The following NTNG2 variants were observed in gnomAD, a reference collection of about 807,000 sequenced individuals.
NTNG2 encodes the protein netrin G2, also known as netrin-G2.
A neutral mutation model predicts 47.6 loss-of-function variants in NTNG2; 15 were observed. The observed-to-expected ratio is 0.32, with a 90% confidence interval of 0.21 to 0.49. NTNG2 has a LOEUF of 0.49. Among genes scored for constraint, NTNG2 ranks in the 20% least tolerant of loss-of-function variants. NTNG2 has a pLI of 0.99. For missense variants in NTNG2, 578 were observed against 764.6 expected, an observed-to-expected ratio of 0.76 and a Z score of 2.88; for synonymous variants, 307 against 324.6, an observed-to-expected ratio of 0.95 and a Z score of 0.58.
rs1174453306 is a variant in NTNG2, at chr9:132,162,567, AGAGTGTGTGT to A, written c.-484+330_-484+339del. Among the ~76,000 whole-genome samples, 22 of 101,774 alleles carry A rather than the reference AGAGTGTGTGT, an allele frequency of 2.2e-4. 1 individual carries two copies. Among genetic ancestry groups the A allele is most frequent in the African/African-American group, 8.0e-4 (22 of 27,506 alleles). The allele number at this position is 101,774 out of a possible 152,430, so 66.8% of individuals were successfully genotyped here. On this transcript the variant is annotated intron_variant, in intron 1 of 7. Coordinates refer to ENST00000393229, the MANE Select transcript of NTNG2 (RefSeq NM_032536.4). This position sits in a 1 kb window ranked among gnomAD's most constrained non-coding sequence, Gnocchi z 4.6. Reference sequence around the variant, plus strand: ...GTGTGTGTGTGTGTGAGAGAGAGACAGAGTGTGTGTGTGTGTGTGTGTGTGTGTGTGTGTG... The same window carrying A: ...GTGTGTGTGTGTGTGAGAGAGAGACAGTGTGTGTGTGTGTGTGTGTGTGTG...
intron 3 of NTNG2, among the ~76,000 whole-genome samples, chr9:132,212,494 G>A (rs999680803): frequency 1.2e-4 from 19 of 152,222 alleles, no homozygotes; most frequent in African/African-American, 4.1e-4. Flanking sequence ...CTCAATTGCC[G>A]GCCTGATTGC....
At position 132,198,024 on chromosome 9, in the gene NTNG2, C is replaced by G; in HGVS notation, c.272C>G (p.Pro91Arg). 1 of 1,613,610 alleles carries G rather than the reference C, an allele frequency of 6.2e-7. No individual in the cohort carries two copies. Among genetic ancestry groups the G allele is most frequent in the South Asian group, 1.1e-5 (1 of 91,064 alleles). Residue 91 changes from proline to arginine, a missense_variant, in exon 3 of 8, where the codon CCG becomes CGG. Coordinates refer to ENST00000393229, the MANE Select transcript of NTNG2 (RefSeq NM_032536.4). ...CDASNPDLAH[P>R]PRLMFDKEEE... is the part of the protein sequence containing the mutation. ...GCCTCCAACCCGGACCTGGCCCACC[C>G]GCCCAGGCTCATGTTCGACAAGGAG...
chr9:132,171,886 C>T (rs563068249), intron 2 of NTNG2, among the ~76,000 whole-genome samples: 28 of 152,358 alleles, frequency 1.8e-4, no homozygotes, highest in South Asian at 6.2e-4. Flanking sequence ...TCCCTCCTCT[C>T]GCCGTCACAA....
chr9:132,168,086 G>C (rs774678499), intron 2 of NTNG2, among the ~76,000 whole-genome samples: 6 of 152,236 alleles, frequency 3.9e-5, no homozygotes, highest in Non-Finnish European at 5.9e-5. Flanking sequence ...TGTCATTCTG[G>C]TCATACAGGT....
chr9:132,226,812 G>T lies in NTNG2; in HGVS notation c.858-37G>T. 2.6e-6 allele frequency: 4 copies of T among 1,528,248 alleles called. No individual in the cohort carries two copies. Among genetic ancestry groups the T allele is most frequent in the Non-Finnish European group, 1.8e-6 (2 of 1,133,906 alleles). 94.7% of individuals were successfully genotyped at this position (1,528,248 alleles called of 1,614,324 possible). On this transcript the variant is annotated intron_variant, in intron 3 of 7. Coordinates refer to ENST00000393229, the MANE Select transcript of NTNG2 (RefSeq NM_032536.4). The surrounding 1 kb of genome is among the most constrained non-coding windows in gnomAD (Gnocchi z 4.8). ...AGAGGCCAGGCCAGGCTGCCCACAA[G>T]CTCTCTGACATCTCTGCCCTCTCGG...
At chr9:132,216,324 A>G (rs927288476) in intron 3 of NTNG2, among the ~76,000 whole-genome samples, 4 of 151,324 alleles carry the variant, frequency 2.6e-5, no homozygotes, top group African/African-American at 9.7e-5. Context: ...TGACTTGCTC[A>G]AGGTCACCTA....
Position 132,174,282 on chromosome 9 carries a change from ACAGG to A in NTNG2, c.213+7244_213+7247del, listed in dbSNP as rs962535668. On this transcript the variant is annotated intron_variant, in intron 2 of 7. Transcript: ENST00000393229. ...GATGGATGGATGGACAGACGGACAG[ACAGG>A]CAGGCCGCACCATGCTGCGGATGAG... is the stretch of plus-strand genomic sequence containing the variant. Among the ~76,000 whole-genome samples the A allele has an allele frequency of 5.2e-5, 7 of 134,744 alleles. No homozygotes were observed. In the South Asian group the frequency reaches 1.1e-3, roughly 20 times the overall value. 88.4% of individuals were successfully genotyped at this position (134,744 alleles called of 152,430 possible). A position where few individuals can be genotyped will look rare whatever the true frequency, so the allele number is the denominator to read the frequency against.
At position 132,242,136 on chromosome 9, in the gene NTNG2, C is replaced by A; in HGVS notation, c.*25C>A. On this transcript the variant is annotated 3_prime_UTR_variant, in exon 8 of 8. Transcript: ENST00000393229. The surrounding 1 kb of genome is among the most constrained non-coding windows in gnomAD (Gnocchi z 5.9). ...AGCCCCGCCCGGAGGACGCTCCCCG[C>A]ACCCGGAGGCCGGGGGTCCCGGGGT... 1 of 1,075,244 alleles carries A rather than the reference C, an allele frequency of 9.3e-7. No individual in the cohort carries two copies. Among genetic ancestry groups the A allele is most frequent in the Non-Finnish European group, 1.1e-6 (1 of 881,338 alleles). The allele number at this position is 1,075,244 out of a possible 1,614,324, so 66.6% of individuals were successfully genotyped here.
intron 2 of NTNG2, among the ~76,000 whole-genome samples, chr9:132,187,123 G>A (rs1246464676): frequency 2.0e-5 from 3 of 152,276 alleles, no homozygotes; most frequent in Admixed American, 1.3e-4. Context: ...TGGGTTCAAG[G>A]TGGACCTGTG....
intron 2 of NTNG2, among the ~76,000 whole-genome samples, chr9:132,171,983 T>C (rs1363600565): frequency 6.6e-6 from 1 of 151,982 alleles, no homozygotes; most frequent in African/African-American, 2.4e-5. Flanking sequence ...ATAAATTAAG[T>C]GAAAAACAAG....
At position 132,215,278 on chromosome 9, in the gene NTNG2, T is replaced by G. The variant is rs1410908035; in HGVS notation, c.858-11571T>G. Among the ~76,000 whole-genome samples the G allele has an allele frequency of 6.6e-6, 1 of 152,154 alleles. No individual in the cohort carries two copies. Among genetic ancestry groups the G allele is most frequent in the Non-Finnish European group, 1.5e-5 (1 of 68,030 alleles). Reference sequence around the variant, plus strand: ...TGTGGCATGGGGCTCTGTGGGGAAATGACTCCAAGAGGCCAGTGGGGGCCA... The same window carrying G: ...TGTGGCATGGGGCTCTGTGGGGAAAGGACTCCAAGAGGCCAGTGGGGGCCA... On this transcript the variant is annotated intron_variant, in intron 3 of 7. Coordinates refer to ENST00000393229, the MANE Select transcript of NTNG2 (RefSeq NM_032536.4). The surrounding 1 kb of genome is among the most constrained non-coding windows in gnomAD (Gnocchi z 4.2).
At chr9:132,164,401 A>C (rs1344866579) in intron 1 of NTNG2, among the ~76,000 whole-genome samples, 7 of 152,148 alleles carry the variant, frequency 4.6e-5, no homozygotes, top group Non-Finnish European at 5.9e-5. Flanking sequence ...CGGGTCCTGC[A>C]GCTGAAGGAA....
At chr9:132,190,225 T>C (rs1359476578) in intron 2 of NTNG2, among the ~76,000 whole-genome samples, 2 of 83,188 alleles carry the variant, frequency 2.4e-5, no homozygotes, top group Non-Finnish European at 4.1e-5. Context: ...AGAGAGAGAC[T>C]CCATCTCAAA....
At chr9:132,241,195 G>A in intron 7 of NTNG2, 151 bp downstream of exon 7, 1 of 1,041,888 alleles carries the variant, frequency 9.6e-7, no homozygotes, top group African/African-American at 1.6e-5. Flanking sequence ...GGGGCCTAGT[G>A]GGACGGGGAA....
intron 5 of NTNG2, among the ~76,000 whole-genome samples, chr9:132,234,173 C>T (rs891509271): frequency 6.6e-6 from 1 of 152,124 alleles, no homozygotes; most frequent in African/African-American, 2.4e-5. Flanking sequence ...GGATTACAGG[C>T]ACCTGTCACC....
At chr9:132,188,344 C>T (rs1308776421) in intron 2 of NTNG2, among the ~76,000 whole-genome samples, 2 of 152,236 alleles carry the variant, frequency 1.3e-5, no homozygotes, top group South Asian at 2.1e-4. Context: ...CCTGCCTCCC[C>T]GTGGAACCCG....
At chr9:132,174,901 G>A (rs964498695) in intron 2 of NTNG2, among the ~76,000 whole-genome samples, 55 of 116,146 alleles carry the variant, frequency 4.7e-4, no homozygotes, top group Admixed American at 9.6e-4. Context: ...CAGCCTGGGC[G>A]ACAGAGCAAG....
At chr9:132,181,260 T>C (rs1836912165) in intron 2 of NTNG2, among the ~76,000 whole-genome samples, 1 of 151,466 alleles carries the variant, frequency 6.6e-6, no homozygotes, top group Non-Finnish European at 1.5e-5. Context: ...ATTTTTGTAT[T>C]TTTGTAGAGA....
Position 132,226,203 on chromosome 9 carries a change from C to A in NTNG2, c.858-646C>A, listed in dbSNP as rs1840744103. On this transcript the variant is annotated intron_variant, in intron 3 of 7. Coordinates refer to ENST00000393229, the MANE Select transcript of NTNG2 (RefSeq NM_032536.4). This position sits in a 1 kb window ranked among gnomAD's most constrained non-coding sequence, Gnocchi z 4.8. ...CGAGGTACAGTTTATATAGGACAGG[C>A]AGGATAAATGCTTGATTCTTTCCCT... 6.6e-6 allele frequency among the ~76,000 whole-genome samples: 1 copy of A among 152,216 alleles called. No individual in the cohort carries two copies. Among genetic ancestry groups the A allele is most frequent in the African/African-American group, 2.4e-5 (1 of 41,442 alleles).
Sources: gnomAD v4.1 joint callset for allele counts (sites outside exome capture counted in the v4.1 genomes callset) on GRCh38, gnomAD v4.1.1 for gene constraint, Gnocchi (gnomAD v3.1) non-coding constraint, MANE v1.5 for transcripts, NCBI Gene and HGNC (gene_info 2026-07-23, HGNC 2026-07-21) for gene names.